The following GPM6A variants were observed in gnomAD, a reference collection of about 807,000 sequenced individuals.
The protein encoded by GPM6A is glycoprotein M6A.
GPM6A carries 7 observed loss-of-function variants against 32.1 expected under a neutral mutation model. That is an observed-to-expected ratio of 0.22 (90% CI 0.12 to 0.41). GPM6A has a LOEUF of 0.41. Among genes scored for constraint, GPM6A ranks in the 10% least tolerant of loss-of-function variants. The probability of loss-of-function intolerance (pLI) is 1.00; values close to 1 mark genes in which losing one functional copy is unlikely to be tolerated. For missense variants in GPM6A, 235 were observed against 347.2 expected, an observed-to-expected ratio of 0.68 and a Z score of 2.57; for synonymous variants, 130 against 123.4, an observed-to-expected ratio of 1.05 and a Z score of -0.35.
chr4:175,737,190 A>C (rs1343404056), intron 1 of GPM6A, among the ~76,000 whole-genome samples: 1 of 152,216 alleles, frequency 6.6e-6, no homozygotes, highest in African/African-American at 2.4e-5. Flanking sequence ...CTTCTTGGTC[A>C]CTGTATTAGT....
Position 175,701,046 on chromosome 4 carries a change from G to A in GPM6A, c.230+529C>T, listed in dbSNP as rs534573669. Among the ~76,000 whole-genome samples, 9 of 152,074 alleles carry A rather than the reference G, an allele frequency of 5.9e-5. No individual in the cohort carries two copies. In the South Asian group the frequency reaches 1.0e-3, roughly 18 times the overall value. Reference sequence around the variant, plus strand: ...AGTATAATTGGTGTTTGAAAAAAAAGGTTGCTTGATTTCTTATGATTTACT... The same window carrying A: ...AGTATAATTGGTGTTTGAAAAAAAAAGTTGCTTGATTTCTTATGATTTACT... On this transcript the variant is annotated intron_variant, in intron 2 of 6. Transcript: ENST00000393658.
intron 3 of GPM6A, among the ~76,000 whole-genome samples, chr4:175,655,479 C>A (rs1742026490): frequency 6.6e-6 from 1 of 151,886 alleles, no homozygotes; most frequent in Non-Finnish European, 1.5e-5. Context: ...TTATTTCTAA[C>A]TTCACATTTT....
At chr4:175,849,004 G>A (rs1736171723) in intron 1 of GPM6A, among the ~76,000 whole-genome samples, 1 of 152,078 alleles carries the variant, frequency 6.6e-6, no homozygotes, top group South Asian at 2.1e-4. Flanking sequence ...GTATTGAACT[G>A]CCTGAAATTT....
chr4:175,716,132 A>G (rs1359200306), intron 1 of GPM6A, among the ~76,000 whole-genome samples: 1 of 152,220 alleles, frequency 6.6e-6, no homozygotes, highest in African/African-American at 2.4e-5. Flanking sequence ...TCTGACACGT[A>G]GTAGGTGCTC....
intron 1 of GPM6A, among the ~76,000 whole-genome samples, chr4:176,000,133 T>C (rs1741431270): frequency 6.6e-6 from 1 of 152,180 alleles, no homozygotes. Flanking sequence ...CGCTCACCTC[T>C]GGCTTCCTCA....
chr4:175,744,293 A>T (rs546433198), intron 1 of GPM6A, among the ~76,000 whole-genome samples: 1 of 152,226 alleles, frequency 6.6e-6, no homozygotes, highest in East Asian at 1.9e-4. Context: ...GAAAATTAGA[A>T]TGTACTTTGA....
At chr4:175,920,827 C>T (rs908330636) in intron 1 of GPM6A, among the ~76,000 whole-genome samples, 5 of 144,542 alleles carry the variant, frequency 3.5e-5, no homozygotes, top group Non-Finnish European at 5.9e-5. Context: ...GGCAACAGAG[C>T]GAGAATCTGT....
At chr4:175,787,067 T>C (rs1733831166) in intron 1 of GPM6A, 1 of 362,380 alleles carries the variant, frequency 2.8e-6, no homozygotes, top group Non-Finnish European at 4.9e-6. Context: ...TTGTTTTCCT[T>C]TGTTTTTCTA....
chr4:175,930,437 T>C (rs1443421170), intron 1 of GPM6A, among the ~76,000 whole-genome samples: 1 of 92,456 alleles, frequency 1.1e-5, no homozygotes, highest in Non-Finnish European at 2.7e-5. Context: ...GGGGGGGGTT[T>C]TTTTGTTGTT....
chr4:175,725,113 T>A (rs1459445295), intron 1 of GPM6A, among the ~76,000 whole-genome samples: 1 of 152,194 alleles, frequency 6.6e-6, no homozygotes, highest in Admixed American at 6.5e-5. Context: ...CTCCGGATTC[T>A]CATTTACCTG....
At chr4:175,782,323 G>A (rs1733642766) in intron 1 of GPM6A, among the ~76,000 whole-genome samples, 2 of 151,800 alleles carry the variant, frequency 1.3e-5, no homozygotes, top group African/African-American at 2.4e-5. Context: ...GGAATATCAC[G>A]TCATCTACTT....
intron 1 of GPM6A, chr4:175,787,264 G>C: frequency 1.1e-6 from 1 of 879,032 alleles, no homozygotes; most frequent in Non-Finnish European, 1.8e-6. Flanking sequence ...ATGCACTACA[G>C]AGATAAAGCA....
At chr4:175,738,311 C>T (rs1312027241) in intron 1 of GPM6A, among the ~76,000 whole-genome samples, 6 of 152,020 alleles carry the variant, frequency 3.9e-5, no homozygotes, top group Non-Finnish European at 8.8e-5. Context: ...ACCATGTCAG[C>T]CACCCAACAT....
intron 1 of GPM6A, among the ~76,000 whole-genome samples, chr4:175,719,590 A>G (rs1364250181): frequency 1.3e-5 from 2 of 152,168 alleles, no homozygotes; most frequent in Non-Finnish European, 2.9e-5. Flanking sequence ...CAAAATGGGT[A>G]TGTAACAATT....
chr4:175,984,548 C>A (rs1276783948), intron 1 of GPM6A, among the ~76,000 whole-genome samples: 1 of 152,076 alleles, frequency 6.6e-6, no homozygotes, highest in Non-Finnish European at 1.5e-5. Context: ...ATATTCTTAA[C>A]ACTTAAAAAA....
At position 175,640,172 on chromosome 4, in the gene GPM6A, A is replaced by C; in HGVS notation, c.641T>G (p.Phe214Cys). 1 of 1,613,794 alleles carries C rather than the reference A, an allele frequency of 6.2e-7. No homozygotes were observed. The highest frequency in any genetic ancestry group is 8.5e-7 in the Non-Finnish European group (1 of 1,179,718). Residue 214 changes from phenylalanine to cysteine, a missense_variant, in exon 6 of 7, where the codon TTT becomes TGT. Coordinates refer to ENST00000393658, the MANE Select transcript of GPM6A (RefSeq NM_201591.3). ...STELNMTFHL[F>C]IVALAGAGAA... ...CCCAGCTCCAGCAAGTGCCACAATAAACAAGTGGAAGGTCATGTTCAGCTG... is the reference window on the plus strand; with the variant it reads ...CCCAGCTCCAGCAAGTGCCACAATACACAAGTGGAAGGTCATGTTCAGCTG...
At chr4:175,999,940 G>A (rs778470308) in intron 1 of GPM6A, among the ~76,000 whole-genome samples, 4 of 152,146 alleles carry the variant, frequency 2.6e-5, no homozygotes, top group African/African-American at 9.7e-5. Context: ...AGAAAGAGGA[G>A]AGATATGGCC....
rs1036469958 is a variant in GPM6A, at chr4:175,766,846, G to C, written c.37+45345C>G. On this transcript the variant is annotated intron_variant, in intron 1 of 6. Transcript: ENST00000393658. ...ATTTTTGCATTTTTAGTAGGAACAG[G>C]GTTTCACCATGTTGGCCAGGCTGGT... 3.3e-5 allele frequency among the ~76,000 whole-genome samples: 5 copies of C among 151,812 alleles called. No individual in the cohort carries two copies. In the East Asian group the frequency reaches 7.8e-4, roughly 24 times the overall value.
At chr4:175,820,848 T>C (rs1183621138) in intron 1 of GPM6A, among the ~76,000 whole-genome samples, 1 of 152,224 alleles carries the variant, frequency 6.6e-6, no homozygotes, top group African/African-American at 2.4e-5. Flanking sequence ...TATATGTCTC[T>C]TTTCGCAACT....
Sources: gnomAD v4.1 joint callset for allele counts (sites outside exome capture counted in the v4.1 genomes callset) on GRCh38, gnomAD v4.1.1 for gene constraint, MANE v1.5 for transcripts, NCBI Gene and HGNC (gene_info 2026-07-23, HGNC 2026-07-21) for gene names.